DNAH7: variants seen among roughly 807,000 people sequenced by gnomAD.
DNAH7 encodes dynein axonemal heavy chain 7, also known as axonemal beta dynein heavy chain 7.
DNAH7 carries 397 observed loss-of-function variants against 444.6 expected under a neutral mutation model. That is an observed-to-expected ratio of 0.89 (90% CI 0.82 to 0.97). DNAH7 has a LOEUF of 0.97. Among genes scored for constraint, DNAH7 ranks in the 50% least tolerant of loss-of-function variants. The pLI is 0.00. For missense variants in DNAH7, 4,902 were observed against 4,800.8 expected (o/e 1.02, Z -0.62); for synonymous variants, 1,636 against 1,624.4 (o/e 1.01, Z -0.17).
chr2:195,951,699 T>C (rs13382176), intron 19 of DNAH7, among the ~76,000 whole-genome samples: 11,489 of 152,202 alleles, frequency 0.075, 840 homozygotes, highest in African/African-American at 0.2. Flanking sequence ...AATGGCCTTG[T>C]CTCTTTTGAT....
rs1375550166 is a variant in DNAH7 at position 195,861,916 on chromosome 2, C to G, written c.7537G>C (p.Ala2513Pro). Residue 2513 changes from alanine to proline, a missense_variant, in exon 42 of 65, where the codon GCC becomes CCC. Physicochemically the swap from Ala to Pro is conservative, Grantham distance 27. Transcript: ENST00000312428. ...SWPEDALQAV[A>P]SRFLEEIEMS... ...TCAATTTCTTCCAAGAATCGTGAGG[C>G]AACTGCCTGGAGTGCATCTTCAGGC... 2 of 1,613,848 alleles carry G rather than the reference C, an allele frequency of 1.2e-6. No homozygotes were observed. The highest frequency in any genetic ancestry group is 1.7e-6 in the Non-Finnish European group (2 of 1,179,806).
chr2:195,875,636 A>AT, intron 38 of DNAH7, 39 bp downstream of exon 38: 1 of 1,524,802 alleles, frequency 6.6e-7, no homozygotes, highest in Non-Finnish European at 8.8e-7. Flanking sequence ...TGCTAGGGAG[A>AT]TTTTTCCATC....
In DNAH7 at chr2:195,886,218, C is replaced by T; in HGVS notation, c.5461G>A (p.Asp1821Asn). 1 of 1,613,732 alleles carries T rather than the reference C, an allele frequency of 6.2e-7. No homozygotes were observed. Among genetic ancestry groups the T allele is most frequent in the African/African-American group, 1.3e-5 (1 of 75,012 alleles). The part of the protein sequence containing the change: ...NLVRSLMNLI[D>N]CFMDDFADEV... Reference sequence around the variant, plus strand: ...TCAGCAAAATCATCCATAAAACAGTCTATTAGATTCATTAAGGACCGGACC... The same window carrying T: ...TCAGCAAAATCATCCATAAAACAGTTTATTAGATTCATTAAGGACCGGACC... The change falls in exon 34 of 65, where the codon GAC becomes AAC. Residue 1821 changes from aspartate to asparagine, a missense_variant. Asp to Asn is a conservative substitution (Grantham distance 23). Transcript: ENST00000312428.
intron 12 of DNAH7, among the ~76,000 whole-genome samples, chr2:195,990,658 C>CT (rs1693237752): frequency 1.3e-5 from 2 of 148,420 alleles, no homozygotes; most frequent in Non-Finnish European, 3.0e-5. Flanking sequence ...GACCCTGTCT[C>CT]GAAAAAAAAA....
At position 195,876,757 on chromosome 2, in the gene DNAH7, A is replaced by G. The variant is rs569070399; in HGVS notation, c.5962-58T>C. The G allele has an allele frequency of 2.6e-4, 308 of 1,206,436 alleles. 3 individuals are homozygous for G. In the African/African-American group the frequency reaches 4.3e-3, roughly 17 times the overall value. 74.7% of individuals were successfully genotyped at this position (1,206,436 alleles called of 1,614,324 possible). Reference sequence around the variant, plus strand: ...TGGAATTATGTTTTGACATTTCAGAATAAACACTAAGCATCATTACTGATA... The same window carrying G: ...TGGAATTATGTTTTGACATTTCAGAGTAAACACTAAGCATCATTACTGATA... On this transcript the variant is annotated intron_variant, in intron 36 of 64. Transcript: ENST00000312428.
chr2:195,869,547 G>T (rs984494136), intron 40 of DNAH7, among the ~76,000 whole-genome samples: 4 of 152,118 alleles, frequency 2.6e-5, no homozygotes, highest in African/African-American at 9.7e-5. Flanking sequence ...AAGAAAGACT[G>T]GAACTACTAG....
At chr2:195,816,018 A>G (rs1019199393) in intron 51 of DNAH7, among the ~76,000 whole-genome samples, 2 of 152,218 alleles carry the variant, frequency 1.3e-5, no homozygotes, top group Non-Finnish European at 2.9e-5. Context: ...AAACAAAAAC[A>G]TGTCTTAATA....
intron 63 of DNAH7, among the ~76,000 whole-genome samples, chr2:195,748,806 C>T (rs1201809148): frequency 6.6e-6 from 1 of 152,144 alleles, no homozygotes; most frequent in East Asian, 1.9e-4. Context: ...AAACTGGATC[C>T]CTTCCTTACA....
chr2:196,041,602 G>A (rs1262727929), intron 5 of DNAH7, among the ~76,000 whole-genome samples: 1 of 151,928 alleles, frequency 6.6e-6, no homozygotes, highest in South Asian at 2.1e-4. Context: ...AACTATGAAA[G>A]TACTAGAAGA....
intron 63 of DNAH7, among the ~76,000 whole-genome samples, chr2:195,744,031 C>T: frequency 6.6e-6 from 1 of 152,232 alleles, no homozygotes; most frequent in African/African-American, 2.4e-5. Context: ...GGGTGCAGCG[C>T]ACCATGCGCC....
chr2:195,993,742 C>T (rs1438167183), intron 12 of DNAH7, among the ~76,000 whole-genome samples: 2 of 152,218 alleles, frequency 1.3e-5, no homozygotes, highest in Non-Finnish European at 2.9e-5. Flanking sequence ...AAGTCCATTT[C>T]ATACTTTTGC....
At chr2:195,908,209 G>A (rs952832486) in intron 25 of DNAH7, among the ~76,000 whole-genome samples, 12 of 151,928 alleles carry the variant, frequency 7.9e-5, no homozygotes, top group African/African-American at 2.9e-4. Context: ...CTTTAGTTTT[G>A]TTATTTTTTT....
intron 11 of DNAH7, among the ~76,000 whole-genome samples, chr2:196,001,372 CTT>C (rs5837487): frequency 6.7e-6 from 1 of 149,028 alleles, no homozygotes; most frequent in Non-Finnish European, 1.5e-5. Context: ...GACATTAACT[CTT>C]TTTTTTTTGA....
intron 52 of DNAH7, among the ~76,000 whole-genome samples, chr2:195,809,514 T>C (rs922812105): frequency 1.1e-4 from 17 of 152,322 alleles, no homozygotes; most frequent in South Asian, 1.0e-3. Flanking sequence ...ATAATCAATT[T>C]ATTTTAAAAT....
chr2:195,761,651 C>A (rs541037835), intron 61 of DNAH7, among the ~76,000 whole-genome samples: 177 of 152,186 alleles, frequency 1.2e-3, no homozygotes, highest in Admixed American at 3.0e-3. Context: ...TCATTGGAAA[C>A]CTTACAGGCC....
chr2:195,809,437 A>G (rs1162899599), intron 52 of DNAH7, among the ~76,000 whole-genome samples: 1 of 152,194 alleles, frequency 6.6e-6, no homozygotes, highest in Non-Finnish European at 1.5e-5. Flanking sequence ...AAACATTTAC[A>G]CTACTACCTG....
Position 195,824,365 on chromosome 2 carries a change from T to C in DNAH7, c.9181A>G (p.Ser3061Gly), listed in dbSNP as rs1008426661. Residue 3061 changes from serine (S) to glycine (G), a missense_variant, in exon 49 of 65, where the codon AGT becomes GGT. Coordinates refer to ENST00000312428, the MANE Select transcript of DNAH7 (RefSeq NM_018897.3). Reference protein sequence around the residue: ...LLKQTFKQGGSTCIRLGDSTI... With the variant: ...LLKQTFKQGGGTCIRLGDSTI... ...GAGTCCCCAAGCCGGATACATGTAC[T>C]CCCACCCTGCTTAAAGGTTTGTTTT... is the stretch of plus-strand genomic sequence containing the variant. 2 of 1,613,784 alleles carry C rather than the reference T, an allele frequency of 1.2e-6. No homozygotes were observed. The highest frequency in any genetic ancestry group is 4.5e-5 in the East Asian group (2 of 44,872).
chr2:195,937,192 TTTA>T (rs1282868546), intron 19 of DNAH7, among the ~76,000 whole-genome samples: 10 of 152,316 alleles, frequency 6.6e-5, no homozygotes, highest in South Asian at 4.1e-4. Context: ...TATTTTGAAT[TTTA>T]TTGTTATGAA....
intron 15 of DNAH7, among the ~76,000 whole-genome samples, chr2:195,981,994 T>C (rs1054296231): frequency 2.0e-5 from 3 of 152,142 alleles, no homozygotes; most frequent in South Asian, 2.1e-4. Flanking sequence ...AGCTGCTACA[T>C]GGCAAAGGAA....
Sources: gnomAD v4.1 joint callset for allele counts (sites outside exome capture counted in the v4.1 genomes callset) on GRCh38, gnomAD v4.1.1 for gene constraint, MANE v1.5 for transcripts, NCBI Gene and HGNC (gene_info 2026-07-23, HGNC 2026-07-21) for gene names.